Variants in LYPLA1 observed in about 807,000 individuals in gnomAD.
LYPLA1 encodes the protein lysophospholipase 1.
A neutral mutation model predicts 34.0 loss-of-function variants in LYPLA1; 17 were observed. That is an observed-to-expected ratio of 0.50 (90% confidence interval 0.34 to 0.75). The LOEUF (loss-of-function observed/expected upper bound fraction) is 0.75, where lower values mean the gene tolerates loss of function less well. LYPLA1 is among the 30% of genes least tolerant of loss of function. The pLI is 0.01. For synonymous variants in LYPLA1, 98 were observed against 100.8 expected, an observed-to-expected ratio of 0.97 and a Z score of 0.17; for missense variants, 203 against 288.8, an observed-to-expected ratio of 0.70 and a Z score of 2.15.
In LYPLA1 at chr8:54,047,305, C is replaced by A. The variant is rs904619750; in HGVS notation, c.*760G>T. 1.6e-4 allele frequency: 24 copies of A among 152,050 alleles called. No homozygotes were observed. Among genetic ancestry groups the A allele is most frequent in the Admixed American group, 1.4e-3 (22 of 15,272 alleles). 9.4% of individuals were successfully genotyped at this position (152,050 alleles called of 1,614,324 possible). A position where few individuals can be genotyped will look rare whatever the true frequency, so the allele number is the denominator to read the frequency against. The stretch of plus-strand genomic sequence containing the variant: ...ATTTTAAATACCTTATATCTGTGAC[C>A]CAGAATGTCAAATTACAGCATGTAT... On this transcript the variant is annotated 3_prime_UTR_variant, in exon 9 of 9. Transcript: ENST00000316963.
At position 54,069,925 on chromosome 8, in the gene LYPLA1, C is replaced by G. The variant is rs150920579; in HGVS notation, c.102-4112G>C. On this transcript the variant is annotated intron_variant, in intron 2 of 8. Coordinates refer to ENST00000316963, the MANE Select transcript of LYPLA1 (RefSeq NM_006330.4). ...ATCATTAGTCATTAGAAAATGCAAA[C>G]CAAAACCACTGTGAGATACCACTTC... Among the ~76,000 whole-genome samples the G allele has an allele frequency of 4.8e-3, 732 of 152,166 alleles. 3 individuals carry two copies. The highest frequency in any genetic ancestry group is 0.016 in the African/African-American group (647 of 41,506).
chr8:54,078,619 C>G (rs1453624556), intron 2 of LYPLA1, among the ~76,000 whole-genome samples: 1 of 152,154 alleles, frequency 6.6e-6, no homozygotes, highest in Non-Finnish European at 1.5e-5. Flanking sequence ...TGAGTGTGGC[C>G]TTTTCTGGGC....
rs144893994 is a variant in LYPLA1 at position 54,099,161 on chromosome 8, T to C, written c.101+1747A>G. Among the ~76,000 whole-genome samples the C allele has an allele frequency of 3.0e-3, 456 of 152,046 alleles. 3 individuals carry two copies. Among genetic ancestry groups the C allele is most frequent in the African/African-American group, 9.8e-3 (407 of 41,476 alleles). ...TTTGCTTGAACTAATCATTCAGGCA[T>C]AGAAGTGCTCATTATTGGCAAAGTT... On this transcript the variant is annotated intron_variant, in intron 2 of 8. Transcript: ENST00000316963.
intron 2 of LYPLA1, chr8:54,073,215 G>A (rs1172895488): frequency 2.5e-6 from 2 of 800,580 alleles, no homozygotes; most frequent in South Asian, 1.3e-5. Flanking sequence ...TGCCGCCCAG[G>A]GAGATACAGG....
chr8:54,091,724 G>A (rs1056204278), intron 2 of LYPLA1, among the ~76,000 whole-genome samples: 3 of 152,250 alleles, frequency 2.0e-5, no homozygotes, highest in South Asian at 2.1e-4. Context: ...AGACAGTTCC[G>A]TCAGTCTGGT....
At chr8:54,099,193 T>C (rs1378201312) in intron 2 of LYPLA1, among the ~76,000 whole-genome samples, 2 of 152,020 alleles carry the variant, frequency 1.3e-5, no homozygotes, top group East Asian at 1.9e-4. Context: ...AGTTAGAGGA[T>C]AGCAACCTTC....
At chr8:54,059,740 A>G (rs117203433) in intron 5 of LYPLA1, among the ~76,000 whole-genome samples, 1 of 152,308 alleles carries the variant, frequency 6.6e-6, no homozygotes, top group East Asian at 1.9e-4. Flanking sequence ...GGACAACATA[A>G]TGAGAATTCA....
downstream of LYPLA1, among the ~76,000 whole-genome samples, chr8:54,044,066 A>G (rs1279670615): frequency 6.6e-6 from 1 of 151,688 alleles, no homozygotes; most frequent in Admixed American, 6.6e-5. Context: ...TAATTTTTGC[A>G]TTTTTAGTAG....
At chr8:54,097,129 T>TC (rs760526315) in intron 2 of LYPLA1, among the ~76,000 whole-genome samples, 3 of 151,934 alleles carry the variant, frequency 2.0e-5, no homozygotes, top group Non-Finnish European at 4.4e-5. Flanking sequence ...TCACAAAGTA[T>TC]CCCCCCGCAA....
chr8:54,068,329 AGAATACCACCT>A (rs1807232088), intron 2 of LYPLA1, among the ~76,000 whole-genome samples: 1 of 152,222 alleles, frequency 6.6e-6, no homozygotes, highest in African/African-American at 2.4e-5. Context: ...AATCTTTAAC[AGAATACCACCT>A]GACTTTGCAC....
intron 7 of LYPLA1, 151 bp downstream of exon 7, chr8:54,052,504 T>A (rs1377780714): frequency 3.4e-6 from 2 of 589,084 alleles, no homozygotes; most frequent in Non-Finnish European, 6.1e-6. Flanking sequence ...ATAGTAACTC[T>A]GTACCTTCTG....
chr8:54,086,940 T>C (rs1334462423), intron 2 of LYPLA1, among the ~76,000 whole-genome samples: 4 of 152,200 alleles, frequency 2.6e-5, no homozygotes, highest in African/African-American at 9.7e-5. Flanking sequence ...ATTAGGATTA[T>C]ACACCATGAC....
chr8:54,085,997 G>C (rs924398101), intron 2 of LYPLA1, among the ~76,000 whole-genome samples: 1 of 152,176 alleles, frequency 6.6e-6, no homozygotes, highest in African/African-American at 2.4e-5. Flanking sequence ...TAGAAAACGG[G>C]GAAATGTGGG....
At chr8:54,062,930 T>C (rs549860747) in intron 4 of LYPLA1, among the ~76,000 whole-genome samples, 36 of 152,270 alleles carry the variant, frequency 2.4e-4, no homozygotes, top group African/African-American at 8.4e-4. Context: ...GACAGTAAAG[T>C]GCAGAGGGAA....
intron 8 of LYPLA1, among the ~76,000 whole-genome samples, chr8:54,050,600 C>G (rs1383678212): frequency 1.3e-5 from 2 of 152,194 alleles, no homozygotes; most frequent in Non-Finnish European, 2.9e-5. Flanking sequence ...CTAGCTGTTT[C>G]ATCATGGTCT....
chr8:54,050,090 C>A (rs1805746480), intron 8 of LYPLA1, among the ~76,000 whole-genome samples: 1 of 152,134 alleles, frequency 6.6e-6, no homozygotes, highest in Admixed American at 6.5e-5. Flanking sequence ...CAAGATAATT[C>A]TTCGTTGATC....
At chr8:54,084,139 TAA>T (rs371809504) in intron 2 of LYPLA1, among the ~76,000 whole-genome samples, 13 of 94,178 alleles carry the variant, frequency 1.4e-4, no homozygotes, top group South Asian at 8.8e-4. Context: ...AAAAAATAAA[TAA>T]ATATATATAT....
Position 54,052,692 on chromosome 8 carries a change from A to G in LYPLA1, c.425T>C (p.Leu142Pro), listed in dbSNP as rs933478305. The G allele has an allele frequency of 6.2e-7, 1 of 1,613,982 alleles. No individual in the cohort carries two copies. Among genetic ancestry groups the G allele is most frequent in the Non-Finnish European group, 8.5e-7 (1 of 1,179,952 alleles). Residue 142 changes from leucine (L) to proline (P), a missense_variant, in exon 7 of 9, where the codon CTC becomes CCC. Physicochemically the swap from Leu to Pro is moderately conservative, Grantham distance 98 (BLOSUM62 -3). Around this residue, in one of 3 missense-constraint regions of LYPLA1, gnomAD observed 123 missense variants for 199.2 expected, o/e 0.62. Transcript: ENST00000316963. ...AGCCCGAAGTGGAAGCCAGCAACTG[A>G]GTGCAGTGACACCTGCCAGTTTCTG... ...TQQKLAGVTA[L>P]SCWLPLRASF...
chr8:54,073,034 A>C (rs1186090408), intron 2 of LYPLA1: 1 of 476,826 alleles, frequency 2.1e-6, no homozygotes, highest in East Asian at 4.6e-5. Flanking sequence ...AACCACAACA[A>C]AATACCATCT....
Sources: allele counts gnomAD v4.1 joint callset (sites outside exome capture counted in the v4.1 genomes callset), GRCh38; gene constraint gnomAD v4.1.1; regional missense constraint gnomAD v4.1.1; transcripts MANE v1.5; gene names NCBI Gene and HGNC (gene_info 2026-07-23, HGNC 2026-07-21).